TOX4: variants seen among roughly 807,000 people sequenced by gnomAD.
TOX4 encodes epidermal Langerhans cell protein LCP1.
Under a neutral mutation model 61.0 loss-of-function variants are expected in TOX4, and 12 were observed. The ratio of observed to expected loss-of-function variants is 0.20; its 90% CI spans 0.13 to 0.32. TOX4 has a LOEUF of 0.32. Among genes scored for constraint, TOX4 ranks in the 10% least tolerant of loss-of-function variants. The pLI, the probability that TOX4 is intolerant of heterozygous loss-of-function variation, is 1.00. For missense variants in TOX4, 499 were observed against 753.3 expected, an observed-to-expected ratio of 0.66 and a Z score of 3.95; for synonymous variants, 268 against 274.8, an observed-to-expected ratio of 0.98 and a Z score of 0.24.
intron 5 of TOX4, among the ~76,000 whole-genome samples, chr14:21,489,639 C>G (rs917665365): frequency 6.6e-5 from 10 of 151,904 alleles, no homozygotes; most frequent in Admixed American, 1.3e-4. Context: ...AGTGCAGTGC[C>G]GTGATCTCAG....
intron 2 of TOX4, among the ~76,000 whole-genome samples, chr14:21,480,542 T>C (rs1162286757): frequency 6.6e-6 from 1 of 151,954 alleles, no homozygotes. Context: ...AAAAAAAAGT[T>C]TTTTTTTACA....
At chr14:21,496,168 C>T (rs1594433904) in intron 8 of TOX4, 1 of 154,244 alleles carries the variant, frequency 6.5e-6, no homozygotes, top group South Asian at 1.7e-4. Flanking sequence ...CCAAGAAGAT[C>T]ACGCCACTGC....
chr14:21,482,638 CTCTT>C (rs1298868529), intron 2 of TOX4: 1 of 458,276 alleles, frequency 2.2e-6, no homozygotes, highest in Non-Finnish European at 4.5e-6. Flanking sequence ...TTCCTGTTTT[CTCTT>C]TCTGTGTCCA....
chr14:21,496,303 G>A (rs1271390862), intron 8 of TOX4: 10 of 305,010 alleles, frequency 3.3e-5, no homozygotes, highest in East Asian at 2.1e-4. Flanking sequence ...CAAAGCGGGC[G>A]ATTCACGGGG....
chr14:21,492,281 GTC>G lies in TOX4; in HGVS notation c.811-11_811-10del. 1 of 1,554,732 alleles carries G rather than the reference GTC, an allele frequency of 6.4e-7. No homozygotes were observed. The highest frequency in any genetic ancestry group is 8.7e-7 in the Non-Finnish European group (1 of 1,142,910). On this transcript the variant is annotated splice_polypyrimidine_tract_variant and intron_variant, in intron 5 of 8. Transcript: ENST00000448790. The stretch of plus-strand genomic sequence containing the variant: ...GGGGAGTTTTGTTTTTTTTTTTAAA[GTC>G]TCTTTTTTGCAGGTATATAAGAGGA...
At chr14:21,477,707 T>G in intron 2 of TOX4, 143 bp downstream of exon 2, 1 of 862,064 alleles carries the variant, frequency 1.2e-6, no homozygotes, top group South Asian at 1.6e-5. Flanking sequence ...GGCGGTTGCT[T>G]CTAGAGCCTG....
chr14:21,498,422 T>TA lies in TOX4; in HGVS notation c.*1818dup. 1.3e-6 allele frequency: 2 copies of TA among 1,555,604 alleles called. No homozygotes were observed. Among genetic ancestry groups the TA allele is most frequent in the Non-Finnish European group, 1.8e-6 (2 of 1,134,474 alleles). ...CCAGAAATCCTGGAATTAGAGGGTT[T>TA]AATATTGTTAAAAAATGCATACCAA... On this transcript the variant is annotated 3_prime_UTR_variant, in exon 9 of 9. Transcript: ENST00000448790.
At position 21,488,620 on chromosome 14, in the gene TOX4, A is replaced by C. The variant is rs1478018381; in HGVS notation, c.349A>C (p.Ser117Arg). The change falls in exon 4 of 9, where the codon AGT (serine) becomes CGT (arginine). Residue 117 changes from serine to arginine, a missense_variant. Ser to Arg is a moderately radical substitution (Grantham distance 110, BLOSUM62 -1). Around this residue, in one of 7 missense-constraint regions of TOX4, gnomAD observed 90 missense variants for 109.5 expected, o/e 0.82. Coordinates refer to ENST00000448790, the MANE Select transcript of TOX4 (RefSeq NM_014828.4). ...DLDHSIGTQYSANPPVTIDVP... is the reference protein window; with the variant it reads ...DLDHSIGTQYRANPPVTIDVP... Reference sequence around the variant, plus strand: ...GGACCACTCTATAGGAACTCAGTATAGTGCCAACCCACCTGTTACAATTGA... The same window carrying C: ...GGACCACTCTATAGGAACTCAGTATCGTGCCAACCCACCTGTTACAATTGA... 6.2e-7 allele frequency: 1 copy of C among 1,614,170 alleles called. No homozygotes were observed. Among genetic ancestry groups the C allele is most frequent in the Non-Finnish European group, 8.5e-7 (1 of 1,180,024 alleles).
intron 2 of TOX4, among the ~76,000 whole-genome samples, chr14:21,479,571 C>G (rs756312349): frequency 8.5e-5 from 13 of 152,102 alleles, no homozygotes; most frequent in Non-Finnish European, 1.8e-4. Flanking sequence ...TCGCTTGAAC[C>G]TGGGAGGCAG....
chr14:21,496,691 G>T lies in TOX4; in HGVS notation c.*85G>T. On this transcript the variant is annotated 3_prime_UTR_variant, in exon 9 of 9. Coordinates refer to ENST00000448790, the MANE Select transcript of TOX4 (RefSeq NM_014828.4). ...TTTTTGAAACACAAGCTGGGCTTCT[G>T]GTAGTGCCTCATCACAACCCATGAT... is the stretch of plus-strand genomic sequence containing the variant. The T allele has an allele frequency of 8.2e-7, 1 of 1,219,408 alleles. No individual in the cohort carries two copies. The highest frequency in any genetic ancestry group is 1.2e-5 in the South Asian group (1 of 80,484). The allele number at this position is 1,219,408 out of a possible 1,614,324, so 75.5% of individuals were successfully genotyped here. A position where few individuals can be genotyped will look rare whatever the true frequency, so the allele number is the denominator to read the frequency against.
At position 21,492,064 on chromosome 14, in the gene TOX4, T is replaced by A. The variant is rs1891302363; in HGVS notation, c.811-232T>A. On this transcript the variant is annotated intron_variant, in intron 5 of 8. Transcript: ENST00000448790. ...TGTAGCAAAATAAAATAAATGTAGC[T>A]ATTCTTGCCAGACTCCTGTCGATTG... 7.6e-6 allele frequency: 3 copies of A among 392,158 alleles called. No individual in the cohort carries two copies. In the East Asian group the frequency reaches 1.2e-4, roughly 16 times the overall value. The allele number at this position is 392,158 out of a possible 1,614,324, so 24.3% of individuals were successfully genotyped here.
Position 21,485,275 on chromosome 14 carries a change from C to T in TOX4, c.76-2176C>T, listed in dbSNP as rs1434615490. 2.9e-5 allele frequency among the ~76,000 whole-genome samples: 3 copies of T among 105,228 alleles called. 1 individual carries two copies. Among genetic ancestry groups the T allele is most frequent in the Non-Finnish European group, 6.2e-5 (3 of 48,014 alleles). 69.0% of individuals were successfully genotyped at this position (105,228 alleles called of 152,430 possible). On this transcript the variant is annotated intron_variant, in intron 2 of 8. Coordinates refer to ENST00000448790, the MANE Select transcript of TOX4 (RefSeq NM_014828.4). ...TACTAAAAATACAAAATTAGCCGGG[C>T]ATGGTGGCACATGTCTGTAATCCCA...
chr14:21,482,799 T>C (rs1891128786), intron 2 of TOX4, among the ~76,000 whole-genome samples: 1 of 152,220 alleles, frequency 6.6e-6, no homozygotes, highest in Admixed American at 6.5e-5. Flanking sequence ...AGATCATTTG[T>C]AGTGAAAAAG....
Position 21,495,245 on chromosome 14 carries a change from A to C in TOX4, c.1658A>C (p.Gln553Pro), listed in dbSNP as rs926447647. The C allele has an allele frequency of 1.2e-6, 2 of 1,613,982 alleles. No individual in the cohort carries two copies. Among genetic ancestry groups the C allele is most frequent in the African/African-American group, 2.7e-5 (2 of 74,892 alleles). The change falls in exon 8 of 9, where the codon CAG becomes CCG. Residue 553 changes from glutamine (Q) to proline (P), a missense_variant. By Grantham distance (76) the Gln-to-Pro change is moderately conservative. Coordinates refer to ENST00000448790, the MANE Select transcript of TOX4 (RefSeq NM_014828.4). ...TTCTCACAGGTTGAGTCTCCTTCTC[A>C]GATGGATGTTGAATTGGTGAGTGGG... ...DVVPEVESPS[Q>P]MDVELVSGSP... is the part of the protein sequence containing the mutation.
intron 7 of TOX4, 49 bp downstream of exon 7, chr14:21,493,306 G>A (rs1236532475): frequency 2.6e-6 from 4 of 1,533,914 alleles, no homozygotes; most frequent in Non-Finnish European, 2.6e-6. Context: ...GTATAAAAAT[G>A]TTTTTGGTTG....
intron 5 of TOX4, 46 bp downstream of exon 5, chr14:21,489,449 T>G: frequency 5.2e-6 from 8 of 1,527,144 alleles, no homozygotes; most frequent in Non-Finnish European, 7.1e-6. Context: ...CAGAAGTTTT[T>G]AAAGAGATAA....
Position 21,492,935 on chromosome 14 carries a change from C to T in TOX4, c.1319C>T (p.Pro440Leu). Residue 440 changes from proline to leucine, a missense_variant, in exon 7 of 9, where the codon CCA becomes CTA. Around this residue, in one of 7 missense-constraint regions of TOX4, gnomAD observed 296 missense variants for 404.7 expected, o/e 0.73. Transcript: ENST00000448790. ...AAAAASMQLPPPRLQPPPLQQ... is the reference protein window; with the variant it reads ...AAAAASMQLPLPRLQPPPLQQ... ...GCTGCTGCTTCTATGCAACTGCCTC[C>T]ACCCCGACTACAGCCCCCTCCATTA... 1.9e-6 allele frequency: 3 copies of T among 1,610,914 alleles called. No homozygotes were observed. The highest frequency in any genetic ancestry group is 1.7e-4 in the Middle Eastern group (1 of 6,028).
rs959947358 is a variant in TOX4, at chr14:21,486,357, G to A, written c.76-1094G>A. ...TATCTGTTATAATTGGTTGGGGTGG[G>A]GGTAATCATTATTAGGATATTATCA... On this transcript the variant is annotated intron_variant, in intron 2 of 8. Transcript: ENST00000448790. Among the ~76,000 whole-genome samples, 17 of 106,442 alleles carry A rather than the reference G, an allele frequency of 1.6e-4. 8 individuals carry two copies. The highest frequency in any genetic ancestry group is 6.0e-4 in the African/African-American group (17 of 28,214). 69.8% of individuals were successfully genotyped at this position (106,442 alleles called of 152,430 possible).
At chr14:21,490,625 A>G (rs1376114860) in intron 5 of TOX4, among the ~76,000 whole-genome samples, 2 of 152,180 alleles carry the variant, frequency 1.3e-5, no homozygotes, top group African/African-American at 4.8e-5. Flanking sequence ...GACACAATCC[A>G]GGTTCTTTAA....
Sources: gnomAD v4.1 joint callset for allele counts (sites outside exome capture counted in the v4.1 genomes callset) on GRCh38, gnomAD v4.1.1 for gene constraint, gnomAD v4.1.1 regional missense constraint, MANE v1.5 for transcripts, NCBI Gene and HGNC (gene_info 2026-07-23, HGNC 2026-07-21) for gene names.